MAPK10: variants seen among roughly 807,000 people sequenced by gnomAD.
The protein encoded by MAPK10 is mitogen-activated protein kinase 10.
Under a neutral mutation model 59.3 loss-of-function variants are expected in MAPK10, and 25 were observed. That is an observed-to-expected ratio of 0.42 (90% CI 0.31 to 0.59). MAPK10 has a LOEUF of 0.59. MAPK10 is among the 20% of genes least tolerant of loss of function. The pLI is 0.15. For missense variants in MAPK10, 351 were observed against 568.9 expected (o/e 0.62, Z 3.90); for synonymous variants, 190 against 200.5 (o/e 0.95, Z 0.44).
chr4:86,533,791 T>C (rs1380873484), intron 1 of MAPK10, among the ~76,000 whole-genome samples: 1 of 152,242 alleles, frequency 6.6e-6, no homozygotes, highest in Admixed American at 6.5e-5. Context: ...ATTAAAATAT[T>C]GCTTCCTATT....
At chr4:86,528,182 C>T (rs143965120) in intron 1 of MAPK10, among the ~76,000 whole-genome samples, 2 of 152,128 alleles carry the variant, frequency 1.3e-5, no homozygotes, top group Non-Finnish European at 2.9e-5. Context: ...TTTAAAAACA[C>T]ACAGAGAGAA....
rs1160641970 is a variant in MAPK10, at chr4:86,505,668, T to C, written c.-263+88242A>G. 2.6e-5 allele frequency among the ~76,000 whole-genome samples: 4 copies of C among 152,284 alleles called. No homozygotes were observed. In the East Asian group the frequency reaches 5.8e-4, roughly 22 times the overall value. On this transcript the variant is annotated intron_variant, in intron 1 of 4. Transcript: ENST00000502302. ...ACATGAGAGCCTCAGATATTTCTTT[T>C]CTTTTATAGGTGTCTTTCCATTATA... is the stretch of plus-strand genomic sequence containing the variant.
intron 1 of MAPK10, among the ~76,000 whole-genome samples, chr4:86,575,659 TTTTTG>T (rs1353880816): frequency 6.6e-6 from 1 of 151,792 alleles, no homozygotes; most frequent in African/African-American, 2.4e-5. Context: ...TCATATGTTG[TTTTTG>T]TTTTGTTTCT....
chr4:86,094,124 C>G (rs1423818656), intron 9 of MAPK10, among the ~76,000 whole-genome samples: 2 of 151,904 alleles, frequency 1.3e-5, no homozygotes, highest in South Asian at 2.1e-4. Context: ...TATCTCTGTG[C>G]TAGATTGATA....
At chr4:86,086,058 T>G (rs535621462) in intron 9 of MAPK10, among the ~76,000 whole-genome samples, 3 of 152,050 alleles carry the variant, frequency 2.0e-5, no homozygotes, top group Non-Finnish European at 2.9e-5. Flanking sequence ...GAAAACTAGC[T>G]AATGCATGCT....
chr4:86,060,280 C>T (rs759352729), intron 11 of MAPK10, among the ~76,000 whole-genome samples: 19 of 152,182 alleles, frequency 1.2e-4, no homozygotes, highest in Non-Finnish European at 2.6e-4. Context: ...ACTCACATCT[C>T]CCTCTCCTGC....
intron 3 of MAPK10, among the ~76,000 whole-genome samples, chr4:86,185,402 T>A (rs886469527): frequency 2.6e-5 from 4 of 152,160 alleles, no homozygotes; most frequent in Non-Finnish European, 5.9e-5. Context: ...CCCAAGTGGA[T>A]AACAGAAGAA....
chr4:86,324,054 G>T (rs966043100), intron 2 of MAPK10, among the ~76,000 whole-genome samples: 7 of 152,058 alleles, frequency 4.6e-5, no homozygotes, highest in Non-Finnish European at 1.0e-4. Context: ...TCCCAGCAAA[G>T]GTTTTAGAGA....
rs35199525 is a variant in MAPK10 at position 86,358,181 on chromosome 4, T to G, written c.-122+1477A>C. 2.7e-4 allele frequency: 268 copies of G among 981,722 alleles called. 1 individual carries two copies. The Middle Eastern group carries it at 3.7e-3, about 13-fold the overall frequency. 60.8% of individuals were successfully genotyped at this position (981,722 alleles called of 1,614,324 possible). A position where few individuals can be genotyped will look rare whatever the true frequency, so the allele number is the denominator to read the frequency against. On this transcript the variant is annotated intron_variant, in intron 1 of 13. Coordinates refer to ENST00000641462, the MANE Select transcript of MAPK10 (RefSeq NM_138982.4). ...TGTGATATACTTATATATTTATTTG[T>G]TATATATTTGTAACATATATGCTCA...
chr4:86,078,198 A>G (rs1259797229), intron 9 of MAPK10, among the ~76,000 whole-genome samples: 2 of 152,232 alleles, frequency 1.3e-5, no homozygotes, highest in African/African-American at 4.8e-5. Context: ...GTGAGTTACT[A>G]AGTCCAAATG....
chr4:86,333,117 A>AT (rs1564464546), intron 2 of MAPK10, among the ~76,000 whole-genome samples: 1 of 152,118 alleles, frequency 6.6e-6, no homozygotes, highest in East Asian at 1.9e-4. Context: ...AGCTGTAGAG[A>AT]TTTTTTTAAA....
In MAPK10 at chr4:86,118,553, C is replaced by T. The variant is rs562053070; in HGVS notation, c.237-11201G>A. 2.1e-4 allele frequency among the ~76,000 whole-genome samples: 30 copies of T among 144,358 alleles called. No homozygotes were observed. The Admixed American group carries it at 2.1e-3, about 10-fold the overall frequency. The allele number at this position is 144,358 out of a possible 152,430, so 94.7% of individuals were successfully genotyped here. ...GATGCTATAAAGCTATGTTTACCTC[C>T]TTGTATGTATTTATATAAATACACA... is the stretch of plus-strand genomic sequence containing the variant. On this transcript the variant is annotated intron_variant, in intron 4 of 13. Transcript: ENST00000641462.
chr4:86,351,024 T>C (rs1477810559), intron 2 of MAPK10, among the ~76,000 whole-genome samples: 1 of 152,114 alleles, frequency 6.6e-6, no homozygotes, highest in Non-Finnish European at 1.5e-5. Flanking sequence ...CTTAGAAACA[T>C]GTGATCTTGG....
intron 11 of MAPK10, among the ~76,000 whole-genome samples, chr4:86,037,028 C>T (rs2040447456): frequency 6.6e-6 from 1 of 152,154 alleles, no homozygotes; most frequent in South Asian, 2.1e-4. Context: ...CATTTCCTTC[C>T]ATTTTCTCTA....
intron 2 of MAPK10, among the ~76,000 whole-genome samples, chr4:86,227,835 T>C (rs2090918090): frequency 6.6e-6 from 1 of 152,216 alleles, no homozygotes; most frequent in South Asian, 2.1e-4. Context: ...CTGAATTACT[T>C]ATGATGTCTG....
intron 3 of MAPK10, among the ~76,000 whole-genome samples, chr4:86,178,771 T>C (rs771734776): frequency 1.8e-4 from 28 of 152,120 alleles, no homozygotes; most frequent in Non-Finnish European, 3.7e-4. Flanking sequence ...CATGAACTCA[T>C]ATATAGAAAA....
intron 11 of MAPK10, among the ~76,000 whole-genome samples, chr4:86,040,259 C>A (rs2041242797): frequency 1.3e-5 from 2 of 151,938 alleles, no homozygotes; most frequent in South Asian, 4.2e-4. Context: ...TACAGGGAAA[C>A]AATTTCATAA....
chr4:86,420,943 A>G (rs1000898828), intron 1 of MAPK10, among the ~76,000 whole-genome samples: 2 of 152,026 alleles, frequency 1.3e-5, no homozygotes, highest in Non-Finnish European at 2.9e-5. Flanking sequence ...TTAGCTGGGC[A>G]TGGTGGCAGG....
intron 2 of MAPK10, among the ~76,000 whole-genome samples, chr4:86,244,219 G>A (rs943245606): frequency 6.6e-6 from 1 of 151,952 alleles, no homozygotes; most frequent in Non-Finnish European, 1.5e-5. Flanking sequence ...AAAGTCTGTA[G>A]GAAAAAGAAA....
Sources: allele counts gnomAD v4.1 joint callset (sites outside exome capture counted in the v4.1 genomes callset), GRCh38; gene constraint gnomAD v4.1.1; transcripts MANE v1.5; gene names NCBI Gene and HGNC (gene_info 2026-07-23, HGNC 2026-07-21).